CIZ1: variants seen among roughly 807,000 people sequenced by gnomAD.
CIZ1 encodes the protein cip1-interacting zinc finger protein.
Under a neutral mutation model 118.6 loss-of-function variants are expected in CIZ1, and 58 were observed. The observed-to-expected ratio is 0.49, with a 90% CI of 0.40 to 0.61. The LOEUF is 0.61. Ranked by LOEUF, CIZ1 falls within the 20% of genes least tolerant of loss-of-function variation. The pLI is 0.00. For synonymous variants in CIZ1, 448 were observed against 443.4 expected (o/e 1.01, Z -0.13); for missense variants, 921 against 1,115.9 (o/e 0.83, Z 2.49).
Position 128,176,486 on chromosome 9 carries a change from A to C in CIZ1, c.1819-11T>G. The C allele has an allele frequency of 1.9e-6, 3 of 1,611,406 alleles. No individual in the cohort carries two copies. Among genetic ancestry groups the C allele is most frequent in the Non-Finnish European group, 2.5e-6 (3 of 1,179,390 alleles). The stretch of plus-strand genomic sequence containing the variant: ...GTGGTCCTGGAACTCCTGCAGCAGG[A>C]GGGAAAGAGGGATGGGCCTGGGGCG... On this transcript the variant is annotated splice_polypyrimidine_tract_variant and intron_variant, in intron 10 of 16. Coordinates refer to ENST00000372938, the MANE Select transcript of CIZ1 (RefSeq NM_001131016.2).
chr9:128,176,533 G>A (rs779895956), intron 10 of CIZ1, 58 bp from the exon 11 acceptor site: 102 of 1,564,602 alleles, frequency 6.5e-5, no homozygotes, highest in Non-Finnish European at 8.5e-5. Context: ...CAGTGGGCAA[G>A]GCTGGGGCCT....
At chr9:128,177,543 A>T in intron 10 of CIZ1, 23 bp downstream of exon 10, 1 of 369,988 alleles carries the variant, frequency 2.7e-6, no homozygotes, top group Non-Finnish European at 5.0e-6. Flanking sequence ...ACCCCTCCCC[A>T]CCCTTATCTC....
rs1367113477 is a variant in CIZ1 at position 128,191,023 on chromosome 9, G to A, written c.-5-161C>T. Among the ~76,000 whole-genome samples the A allele has an allele frequency of 6.6e-6, 1 of 151,928 alleles. No homozygotes were observed. Among genetic ancestry groups the A allele is most frequent in the Admixed American group, 6.6e-5 (1 of 15,240 alleles). On this transcript the variant is annotated intron_variant, in intron 1 of 16. Transcript: ENST00000372938. This position sits in a 1 kb window ranked among gnomAD's most constrained non-coding sequence, Gnocchi z 5.5. Reference sequence around the variant, plus strand: ...GCCAAGAGCCTGCCACACTCGCTTGGCCCATCCTTCCAAGTTACCTCCAGT... The same window carrying A: ...GCCAAGAGCCTGCCACACTCGCTTGACCCATCCTTCCAAGTTACCTCCAGT...
chr9:128,191,793 C>T (rs1833190421), upstream of CIZ1: 7 of 1,437,072 alleles, frequency 4.9e-6, no homozygotes, highest in East Asian at 2.9e-5. This position sits in a 1 kb window ranked among gnomAD's most constrained non-coding sequence, Gnocchi z 5.5. Context: ...CCGTCTGCCG[C>T]CCGGAAGGGT....
chr9:128,167,227 CG>C, intron 14 of CIZ1, 63 bp from the exon 15 acceptor site: 1 of 1,334,182 alleles, frequency 7.5e-7, no homozygotes, highest in Non-Finnish European at 1.0e-6. Context: ...AGACACAGGT[CG>C]GGGGCCTAGA....
intron 3 of CIZ1, among the ~76,000 whole-genome samples, 157 bp from the exon 4 acceptor site, chr9:128,188,091 T>TAAAA (rs1564294678): frequency 3.7e-5 from 1 of 26,888 alleles, no homozygotes; most frequent in Non-Finnish European, 8.8e-5. Context: ...AACAAAAAAT[T>TAAAA]AAAAAAAGCA....
chr9:128,184,955 C>A (rs1265995622), intron 5 of CIZ1, among the ~76,000 whole-genome samples: 1 of 152,188 alleles, frequency 6.6e-6, no homozygotes. Context: ...CAGGTGTGAG[C>A]CCCCACGCTT....
intron 1 of CIZ1, among the ~76,000 whole-genome samples, chr9:128,201,504 C>T (rs933965303): frequency 2.6e-5 from 4 of 152,146 alleles, no homozygotes; most frequent in African/African-American, 9.7e-5. Context: ...AGCCATGATG[C>T]CCTCTAGGCA....
rs1435912856 is a variant in CIZ1, at chr9:128,190,711, G to A, written c.147C>T (p.Ala49=). The A allele has an allele frequency of 6.4e-7, 1 of 1,551,774 alleles. No homozygotes were observed. Among genetic ancestry groups the A allele is most frequent in the Non-Finnish European group, 8.7e-7 (1 of 1,149,202 alleles). Residue 49 remains alanine, a synonymous_variant, in exon 2 of 17, where the codon GCC becomes GCT. Transcript: ENST00000372938. ...QQLLQQSPPQ[A]PLPMAVSRGL... Reference sequence around the variant, plus strand: ...ACCGGCTGACAGCCATGGGCAACGGGGCCTGTGGTGGGGACTGCTGGAGCA... The same window carrying A: ...ACCGGCTGACAGCCATGGGCAACGGAGCCTGTGGTGGGGACTGCTGGAGCA...
upstream of CIZ1, among the ~76,000 whole-genome samples, chr9:128,196,320 G>A (rs1487681910): frequency 1.3e-5 from 2 of 152,040 alleles, no homozygotes; most frequent in Admixed American, 1.3e-4. Flanking sequence ...GGCCAAGGTG[G>A]GAGGATTCCT....
intron 3 of CIZ1, 50 bp from the exon 4 acceptor site, chr9:128,187,984 T>C (rs1321260048): frequency 3.5e-6 from 2 of 577,270 alleles, no homozygotes; most frequent in Non-Finnish European, 6.4e-6. Context: ...AAAACATCCA[T>C]CCCCCCTGAC....
At chr9:128,177,813 G>T in intron 9 of CIZ1, 50 bp from the exon 10 acceptor site, 1 of 1,298,610 alleles carries the variant, frequency 7.7e-7, no homozygotes, top group Non-Finnish European at 1.1e-6. Flanking sequence ...ACTTATAGTG[G>T]GCCAGCCCAG....
rs371436438 is a variant in CIZ1, at chr9:128,178,801, G to A, written c.1406C>T (p.Pro469Leu). The change falls in exon 8 of 17, where the codon CCG (proline) becomes CTG (leucine). Residue 469 changes from proline to leucine, a missense_variant. Transcript: ENST00000372938. ...EQTHEQPHTQ[P>L]QVSLLAPEQT... is the part of the protein sequence containing the mutation. ...CTCTGGAGCCAGCAACGACACCTGC[G>A]GCTGGGTGTGAGGCTGCTCATGGGT... is the stretch of plus-strand genomic sequence containing the variant. The A allele has an allele frequency of 4.8e-5, 78 of 1,614,142 alleles. No individual in the cohort carries two copies. The highest frequency in any genetic ancestry group is 4.7e-4 in the African/African-American group (35 of 74,954).
upstream of CIZ1, chr9:128,191,972 G>A (rs1164518264): frequency 3.7e-6 from 5 of 1,348,208 alleles, no homozygotes; most frequent in Non-Finnish European, 4.8e-6. This position sits in a 1 kb window ranked among gnomAD's most constrained non-coding sequence, Gnocchi z 5.5. Flanking sequence ...GCGAGAGGGC[G>A]GCCAAGGTCT....
intron 5 of CIZ1, among the ~76,000 whole-genome samples, chr9:128,185,193 G>A (rs1327265995): frequency 1.3e-5 from 2 of 152,070 alleles, no homozygotes; most frequent in Non-Finnish European, 2.9e-5. Flanking sequence ...CAGGAGAATC[G>A]CTTGAACCTG....
intron 5 of CIZ1, 103 bp from the exon 6 acceptor site, chr9:128,180,917 C>T: frequency 1.2e-6 from 1 of 807,132 alleles, no homozygotes. Flanking sequence ...TGACAGGGCC[C>T]TGAGGACCTC....
chr9:128,202,614 A>G (rs1318786436), intron 1 of CIZ1: 1 of 152,042 alleles, frequency 6.6e-6, no homozygotes, highest in African/African-American at 2.4e-5. Flanking sequence ...CTCTTCTCAA[A>G]TGTCACTTCT....
upstream of CIZ1, among the ~76,000 whole-genome samples, chr9:128,195,984 G>C (rs1833368940): frequency 6.6e-6 from 1 of 152,010 alleles, no homozygotes; most frequent in Non-Finnish European, 1.5e-5. Context: ...TTGTGTCTCA[G>C]CCTCCCAAGT....
Position 128,166,974 on chromosome 9 carries a change from G to A in CIZ1, c.2366-94C>T, listed in dbSNP as rs750628165. ...GGCCCATGTGCTCCCCAACCCTCTA[G>A]GCAGGGGCAGAAGAGAAGGCTTCCC... On this transcript the variant is annotated intron_variant, in intron 15 of 16. Transcript: ENST00000372938. The surrounding 1 kb of genome is among the most constrained non-coding windows in gnomAD (Gnocchi z 4.4). 1.0e-4 allele frequency: 161 copies of A among 1,606,956 alleles called. No individual in the cohort carries two copies. The highest frequency in any genetic ancestry group is 1.3e-4 in the Non-Finnish European group (149 of 1,175,634).
Sources: allele counts gnomAD v4.1 joint callset (sites outside exome capture counted in the v4.1 genomes callset), GRCh38; gene constraint gnomAD v4.1.1; non-coding constraint Gnocchi (gnomAD v3.1); transcripts MANE v1.5; gene names NCBI Gene and HGNC (gene_info 2026-07-23, HGNC 2026-07-21).